Variants in ZSWIM2 observed in about 807,000 individuals in gnomAD.
The protein encoded by ZSWIM2 is E3 ubiquitin-protein ligase ZSWIM2.
In ZSWIM2, 38 loss-of-function variants were observed where a neutral mutation model predicts 48.4. That is an observed-to-expected ratio of 0.79 (90% CI 0.61 to 1.03). ZSWIM2 has a LOEUF of 1.03. ZSWIM2 is among the 50% of genes least tolerant of loss of function. The pLI is 0.00. For missense variants in ZSWIM2, 776 were observed against 730.2 expected, an observed-to-expected ratio of 1.06 and a Z score of -0.72; for synonymous variants, 240 against 251.3, an observed-to-expected ratio of 0.96 and a Z score of 0.42.
In ZSWIM2 at chr2:186,833,161, A is replaced by G; in HGVS notation, c.900T>C (p.Asn300=). ...AATGTGACATCTTTTCTTCAATCTC[A>G]TTTTTAGTATCTATGTATTTTACAA... is the stretch of plus-strand genomic sequence containing the variant. ...DEVVKYIDTK[N]EIEEKMSHFQ... Residue 300 remains asparagine, a synonymous_variant, in exon 7 of 9, where the codon AAT becomes AAC. Transcript: ENST00000295131. The G allele has an allele frequency of 2.0e-6, 3 of 1,520,308 alleles. No homozygotes were observed. Among genetic ancestry groups the G allele is most frequent in the Non-Finnish European group, 2.6e-6 (3 of 1,136,638 alleles). The allele number at this position is 1,520,308 out of a possible 1,614,324, so 94.2% of individuals were successfully genotyped here.
chr2:186,829,429 A>G (rs1691659505), intron 8 of ZSWIM2, among the ~76,000 whole-genome samples: 1 of 152,196 alleles, frequency 6.6e-6, no homozygotes, highest in South Asian at 2.1e-4. Context: ...TTAGTATTCT[A>G]TAACCTTTTT....
Position 186,839,065 on chromosome 2 carries a change from C to T in ZSWIM2, c.388G>A (p.Val130Ile). Residue 130 changes from valine to isoleucine, a missense_variant, in exon 4 of 9, where the codon GTT becomes ATT. Transcript: ENST00000295131. ...QPGTNDENEH[V>I]EEDGYIKQKE... ...TGTTTAATGTACCCATCTTCTTCAA[C>T]ATGTTCATTTTCGTCATTTGTTCCT... 1 of 1,611,906 alleles carries T rather than the reference C, an allele frequency of 6.2e-7. No homozygotes were observed. Among genetic ancestry groups the T allele is most frequent in the Non-Finnish European group, 8.5e-7 (1 of 1,178,466 alleles).
chr2:186,843,754 T>G lies in ZSWIM2; in HGVS notation c.283+963A>C, dbSNP rs1691949227. Among the ~76,000 whole-genome samples, 3 of 151,690 alleles carry G rather than the reference T, an allele frequency of 2.0e-5. No homozygotes were observed. In the South Asian group the frequency reaches 6.2e-4, roughly 31 times the overall value. ...AAAGCAACTGGAAATACTGGTCTGC[T>G]GCTAAGATTGGGAATCACTGATACA... On this transcript the variant is annotated intron_variant, in intron 3 of 8. Transcript: ENST00000295131.
At chr2:186,831,389 TATAA>T (rs1186602912) in intron 7 of ZSWIM2, among the ~76,000 whole-genome samples, 1 of 139,984 alleles carries the variant, frequency 7.1e-6, no homozygotes, top group East Asian at 1.9e-4. Flanking sequence ...TAGGCATGTG[TATAA>T]ATATATATTA....
chr2:186,840,374 G>A (rs1261945733), intron 3 of ZSWIM2, among the ~76,000 whole-genome samples: 1 of 151,640 alleles, frequency 6.6e-6, no homozygotes, highest in East Asian at 1.9e-4. Flanking sequence ...AAAATAAAAG[G>A]AAGAAACAAA....
rs1281338567 is a variant in ZSWIM2, at chr2:186,827,487, A to G, written c.*497T>C. Among the ~76,000 whole-genome samples, 2 of 151,958 alleles carry G rather than the reference A, an allele frequency of 1.3e-5. No individual in the cohort carries two copies. The highest frequency in any genetic ancestry group is 2.9e-5 in the Non-Finnish European group (2 of 67,928). On this transcript the variant is annotated 3_prime_UTR_variant, in exon 9 of 9. Transcript: ENST00000295131. ...ATTAAGACCATTATAAATGTGACAT[A>G]GCTGATAGTATTTCATTTTATTTTC...
chr2:186,848,907 TG>T, intron 1 of ZSWIM2, 58 bp downstream of exon 1: 2 of 1,604,256 alleles, frequency 1.2e-6, no homozygotes, highest in South Asian at 1.1e-5. Flanking sequence ...GGTATGCCAG[TG>T]GGGGAACCTG....
intron 1 of ZSWIM2, 114 bp downstream of exon 1, chr2:186,848,852 G>T: frequency 1.4e-6 from 2 of 1,383,702 alleles, no homozygotes; most frequent in East Asian, 2.3e-5. Flanking sequence ...TCGGGGGTGA[G>T]GCAGCAAGTA....
rs745825862 is a variant in ZSWIM2, at chr2:186,828,137, C to A, written c.1749G>T (p.Trp583Cys). 2 of 1,613,526 alleles carry A rather than the reference C, an allele frequency of 1.2e-6. No homozygotes were observed. The highest frequency in any genetic ancestry group is 3.3e-5 in the Admixed American group (2 of 59,910). ...LPEDFNLIVN[W>C]STAKLSLSKR... Reference sequence around the variant, plus strand: ...TAGACAAACTAAGTTTAGCTGTGCTCCAATTGACAATAAGATTGAAATCCT... The same window carrying A: ...TAGACAAACTAAGTTTAGCTGTGCTACAATTGACAATAAGATTGAAATCCT... The change falls in exon 9 of 9, where the codon TGG (tryptophan) becomes TGT (cysteine). Residue 583 changes from tryptophan (W) to cysteine (C), a missense_variant. Transcript: ENST00000295131.
chr2:186,845,751 T>C (rs1304714605), intron 2 of ZSWIM2, among the ~76,000 whole-genome samples: 1 of 151,560 alleles, frequency 6.6e-6, no homozygotes, highest in Non-Finnish European at 1.5e-5. Flanking sequence ...TTTTCATTTC[T>C]AAAGGTCAAT....
rs1417293198 is a variant in ZSWIM2 at position 186,837,509 on chromosome 2, T to G, written c.540A>C (p.Leu180Phe). The G allele has an allele frequency of 6.2e-7, 1 of 1,611,722 alleles. No homozygotes were observed. ...TGTTTGATGTACTCTGATAATTAGCTAAGATCTTCATGCATTTTATATGAA... is the reference window on the plus strand; with the variant it reads ...TGTTTGATGTACTCTGATAATTAGCGAAGATCTTCATGCATTTTATATGAA... The part of the protein sequence containing the change: ...NSIHIKCMKI[L>F]ANYQSTSNTS... The change falls in exon 5 of 9, where the codon TTA (leucine) becomes TTC (phenylalanine). Residue 180 changes from leucine to phenylalanine, a missense_variant. Leu to Phe is a conservative substitution (Grantham distance 22, BLOSUM62 0). Coordinates refer to ENST00000295131, the MANE Select transcript of ZSWIM2 (RefSeq NM_182521.3).
Position 186,828,397 on chromosome 2 carries a change from G to A in ZSWIM2, c.1489C>T (p.Leu497Phe), listed in dbSNP as rs1336242185. Reference sequence around the variant, plus strand: ...AATGACACAGTGGGTAAATCTTGAAGATACCTGGGAAAATGTTGGCTAATT... The same window carrying A: ...AATGACACAGTGGGTAAATCTTGAAAATACCTGGGAAAATGTTGGCTAATT... ...YKISQHFPRY[L>F]QDLPTVSFGK... Residue 497 changes from leucine (L) to phenylalanine (F), a missense_variant, in exon 9 of 9, where the codon CTT becomes TTT. Leu to Phe is a conservative substitution (Grantham distance 22). Transcript: ENST00000295131. 6.2e-7 allele frequency: 1 copy of A among 1,613,672 alleles called. No individual in the cohort carries two copies. Among genetic ancestry groups the A allele is most frequent in the Admixed American group, 1.7e-5 (1 of 59,922 alleles).
In ZSWIM2 at chr2:186,839,158, G is replaced by T; in HGVS notation, c.295C>A (p.Leu99Met). ...LPRNHESALQ[L>M]GLGEREISDL... ...CTTATCTCTCTTTCTCCAAGACCCA[G>T]TTGTAAAGCAGCTAGTGAGAAATCC... is the stretch of plus-strand genomic sequence containing the variant. Residue 99 changes from leucine (L) to methionine (M), a missense_variant, in exon 4 of 9, where the codon CTG becomes ATG. Transcript: ENST00000295131. 1 of 1,610,802 alleles carries T rather than the reference G, an allele frequency of 6.2e-7. No homozygotes were observed. The highest frequency in any genetic ancestry group is 8.5e-7 in the Non-Finnish European group (1 of 1,177,814).
intron 2 of ZSWIM2, among the ~76,000 whole-genome samples, chr2:186,846,472 C>G (rs1692004472): frequency 6.6e-6 from 1 of 151,610 alleles, no homozygotes. Flanking sequence ...ATTAAAAGGT[C>G]AAAAAACAAC....
At chr2:186,843,876 A>T (rs10183672) in intron 3 of ZSWIM2, among the ~76,000 whole-genome samples, 22,122 of 151,648 alleles carry the variant, frequency 0.15, 2,534 homozygotes, top group African/African-American at 0.33. Flanking sequence ...AATGGTAATT[A>T]ATTATCTGGT....
At chr2:186,833,363 A>G (rs1368725972) in intron 6 of ZSWIM2, 131 bp from the exon 7 acceptor site, 1 of 479,914 alleles carries the variant, frequency 2.1e-6, no homozygotes, top group East Asian at 3.7e-5. Flanking sequence ...TTATTTTTCA[A>G]CATGTTAAAG....
Position 186,838,097 on chromosome 2 carries a change from GA to G in ZSWIM2, c.495-544del, listed in dbSNP as rs372828120. On this transcript the variant is annotated intron_variant, in intron 4 of 8. Transcript: ENST00000295131. ...CAAAAGTTTTGTTAAATTATCAGAA[GA>G]AAAAAGAATGATCAGGAGAAAAAAA... 9.6e-3 allele frequency among the ~76,000 whole-genome samples: 1,454 copies of G among 151,114 alleles called. 23 individuals are homozygous for G. The highest frequency in any genetic ancestry group is 0.034 in the African/African-American group (1,400 of 41,276).
intron 7 of ZSWIM2, among the ~76,000 whole-genome samples, chr2:186,831,287 CCCATGGGCATGGG>C (rs1691694466): frequency 6.6e-6 from 1 of 151,928 alleles, no homozygotes; most frequent in Admixed American, 6.6e-5. Context: ...GTGTGGAGTA[CCCATGGGCATGGG>C]CTATATATCA....
At chr2:186,848,864 C>G (rs1360401947) in intron 1 of ZSWIM2, 102 bp downstream of exon 1, 1 of 1,476,692 alleles carries the variant, frequency 6.8e-7, no homozygotes, top group Non-Finnish European at 9.3e-7. Context: ...CAGCAAGTAT[C>G]CGCAGAGATT....
Sources: gnomAD v4.1 joint callset for allele counts (sites outside exome capture counted in the v4.1 genomes callset) on GRCh38, gnomAD v4.1.1 for gene constraint, MANE v1.5 for transcripts, NCBI Gene and HGNC (gene_info 2026-07-23, HGNC 2026-07-21) for gene names.